Variants in DNAL1 observed in about 807,000 individuals in gnomAD.
The protein encoded by DNAL1 is dynein axonemal light chain 1, also known as chromosome 14 open reading frame 168.
Under a neutral mutation model 29.4 loss-of-function variants are expected in DNAL1, and 17 were observed. The ratio of observed to expected loss-of-function variants is 0.58; its 90% CI spans 0.40 to 0.87. The LOEUF is 0.87. Among genes scored for constraint, DNAL1 ranks in the 40% least tolerant of loss-of-function variants. DNAL1 has a pLI of 0.00. For missense variants in DNAL1, 188 were observed against 214.1 expected (o/e 0.88, Z 0.76); for synonymous variants, 78 against 76.3 (o/e 1.02, Z -0.12).
chr14:73,656,868 G>A (rs1165032387), intron 2 of DNAL1, among the ~76,000 whole-genome samples: 1 of 151,912 alleles, frequency 6.6e-6, no homozygotes. Flanking sequence ...AGCACTGAGT[G>A]GATATGTATT....
intron 4 of DNAL1, among the ~76,000 whole-genome samples, chr14:73,667,767 T>G (rs4296189): frequency 0.23 from 34,306 of 152,112 alleles, 5,038 homozygotes; most frequent in Non-Finnish European, 0.33. Context: ...CTCCCAAAGT[T>G]CTGGGATTAT....
intron 5 of DNAL1, 74 bp from the exon 6 acceptor site, chr14:73,687,185 G>A (rs567223466): frequency 1.3e-6 from 2 of 1,575,656 alleles, no homozygotes; most frequent in Non-Finnish European, 1.7e-6. Context: ...AAGCCATTAT[G>A]TATATCTTTA....
At chr14:73,676,984 T>A (rs78432988) in intron 5 of DNAL1, among the ~76,000 whole-genome samples, 32,698 of 147,342 alleles carry the variant, frequency 0.22, 4,733 homozygotes, top group Non-Finnish European at 0.33. Context: ...TTTTTTTTTT[T>A]AATTGAGATG....
rs568298706 is a variant in DNAL1 at position 73,654,693 on chromosome 14, A to T, written c.4-154A>T. Among the ~76,000 whole-genome samples, 53 of 152,304 alleles carry T rather than the reference A, an allele frequency of 3.5e-4. No homozygotes were observed. In the South Asian group the frequency reaches 0.011, roughly 31 times the overall value. Reference sequence around the variant, plus strand: ...AGAATCGCTTGAACCCAGGAGGCAGAGGTTGTGGTGAGCGGAAATCATGCC... The same window carrying T: ...AGAATCGCTTGAACCCAGGAGGCAGTGGTTGTGGTGAGCGGAAATCATGCC... On this transcript the variant is annotated intron_variant, in intron 1 of 7. Transcript: ENST00000553645.
At chr14:73,649,422 A>G (rs908337389) in intron 1 of DNAL1, among the ~76,000 whole-genome samples, 13 of 151,424 alleles carry the variant, frequency 8.6e-5, no homozygotes, top group Non-Finnish European at 1.5e-5. Context: ...AGCTGGGACT[A>G]CAGGCGCCTG....
intron 5 of DNAL1, among the ~76,000 whole-genome samples, chr14:73,676,009 G>T (rs1315929367): frequency 6.6e-6 from 1 of 151,858 alleles, no homozygotes; most frequent in Non-Finnish European, 1.5e-5. Flanking sequence ...GTGAGACTTT[G>T]TCTCGATAAA....
intron 7 of DNAL1, among the ~76,000 whole-genome samples, chr14:73,694,248 A>T (rs1342521371): frequency 1.5e-5 from 2 of 131,072 alleles, no homozygotes; most frequent in Non-Finnish European, 3.3e-5. Context: ...ATAAATAAAT[A>T]AATAAATAAA....
rs1351376832 is a variant in DNAL1 at position 73,701,402 on chromosome 14, A to G, written c.*5460A>G. On this transcript the variant is annotated 3_prime_UTR_variant, in exon 8 of 8. Coordinates refer to ENST00000553645, the MANE Select transcript of DNAL1 (RefSeq NM_031427.4). Reference sequence around the variant, plus strand: ...TAGTTAACTGTCTTTTGACATAATCAGAGTCAGGATTTCCCTTTTTCCCTA... The same window carrying G: ...TAGTTAACTGTCTTTTGACATAATCGGAGTCAGGATTTCCCTTTTTCCCTA... 2 of 152,252 alleles carry G rather than the reference A, an allele frequency of 1.3e-5. No individual in the cohort carries two copies. The highest frequency in any genetic ancestry group is 2.9e-5 in the Non-Finnish European group (2 of 68,052). 9.4% of individuals were successfully genotyped at this position (152,252 alleles called of 1,614,324 possible). A position where few individuals can be genotyped will look rare whatever the true frequency, so the allele number is the denominator to read the frequency against.
intron 1 of DNAL1, among the ~76,000 whole-genome samples, chr14:73,650,475 ATC>A (rs1891089759): frequency 6.6e-6 from 1 of 152,068 alleles, no homozygotes. Context: ...GAAGGCAGGA[ATC>A]TCTGTTTTGT....
chr14:73,689,419 G>GTGT lies in DNAL1; in HGVS notation c.438_440dup (p.Val146_Phe147insLeu), dbSNP rs756764101. On this transcript the variant is annotated inframe_insertion, in exon 7 of 8. Coordinates refer to ENST00000553645, the MANE Select transcript of DNAL1 (RefSeq NM_031427.4). ...AGAACTGCCATGCCTCGAAGACCTG[G>GTGT]TGTTTGTAGGCAATCCCTTGGAAGA... The GTGT allele has an allele frequency of 6.4e-7, 1 of 1,555,830 alleles. No individual in the cohort carries two copies. Among genetic ancestry groups the GTGT allele is most frequent in the South Asian group, 1.2e-5 (1 of 84,206 alleles).
At chr14:73,673,526 C>G (rs1223553745) in intron 5 of DNAL1, among the ~76,000 whole-genome samples, 1 of 152,114 alleles carries the variant, frequency 6.6e-6, no homozygotes, top group Non-Finnish European at 1.5e-5. Context: ...TCAATGATAG[C>G]CAATAGTTGT....
intron 1 of DNAL1, 149 bp downstream of exon 1, chr14:73,645,191 C>T: frequency 6.9e-7 from 1 of 1,443,056 alleles, no homozygotes; most frequent in Non-Finnish European, 9.5e-7. Context: ...GGGCCCGAGG[C>T]GAAAGAGAAG....
intron 4 of DNAL1, among the ~76,000 whole-genome samples, chr14:73,666,962 T>A (rs78568710): frequency 6.8e-6 from 1 of 146,504 alleles, no homozygotes; most frequent in Non-Finnish European, 1.5e-5. Context: ...TCCCTTCTCT[T>A]TTTTTTTTTT....
At chr14:73,690,107 C>T (rs566801392) in intron 7 of DNAL1, among the ~76,000 whole-genome samples, 10 of 151,120 alleles carry the variant, frequency 6.6e-5, no homozygotes, top group South Asian at 4.2e-4. Flanking sequence ...CACAGTGGCA[C>T]GTTTCTGTAG....
chr14:73,690,924 G>C (rs981935494), intron 7 of DNAL1, among the ~76,000 whole-genome samples: 1 of 152,008 alleles, frequency 6.6e-6, no homozygotes, highest in Non-Finnish European at 1.5e-5. Flanking sequence ...TCAAAATTGT[G>C]GTATTCTCTC....
chr14:73,691,225 CGTT>C (rs1248603866), intron 7 of DNAL1, among the ~76,000 whole-genome samples: 1 of 152,092 alleles, frequency 6.6e-6, no homozygotes, highest in Non-Finnish European at 1.5e-5. Context: ...CTACGCTAAA[CGTT>C]GTGCTTAACA....
At chr14:73,687,742 G>A (rs1892055418) in intron 6 of DNAL1, among the ~76,000 whole-genome samples, 2 of 152,036 alleles carry the variant, frequency 1.3e-5, no homozygotes. Context: ...GCGTCGTGGC[G>A]GGCGCCTGTA....
chr14:73,689,026 G>GTTTTTTTTTTTTTTTTTTTTTTTT, intron 6 of DNAL1, among the ~76,000 whole-genome samples: 1 of 92,250 alleles, frequency 1.1e-5, no homozygotes, highest in Non-Finnish European at 1.9e-5. Context: ...AAAACTTGCT[G>GTTTTTTTTTTTTTTTTTTTTTTTT]TTTTTTTTTT....
At chr14:73,684,004 G>T (rs1341529725) in intron 5 of DNAL1, among the ~76,000 whole-genome samples, 1 of 152,116 alleles carries the variant, frequency 6.6e-6, no homozygotes, top group African/African-American at 2.4e-5. Context: ...ACCGCACCTG[G>T]CCGAGATCAA....
Sources: gnomAD v4.1 joint callset for allele counts (sites outside exome capture counted in the v4.1 genomes callset) on GRCh38, gnomAD v4.1.1 for gene constraint, MANE v1.5 for transcripts, NCBI Gene and HGNC (gene_info 2026-07-23, HGNC 2026-07-21) for gene names.